BRI3: variants seen among roughly 807,000 people sequenced by gnomAD.
BRI3 encodes brain protein I3, also known as membrane protein BRI3.
A neutral mutation model predicts 12.8 loss-of-function variants in BRI3; 6 were observed. That is an observed-to-expected ratio of 0.47 (90% CI 0.26 to 0.93). The LOEUF is 0.93. BRI3 is among the 40% of genes least tolerant of loss of function. The pLI, the probability that BRI3 is intolerant of heterozygous loss-of-function variation, is 0.15. For synonymous variants in BRI3, 91 were observed against 76.1 expected, an observed-to-expected ratio of 1.20 and a Z score of -1.02; for missense variants, 134 against 171.1, an observed-to-expected ratio of 0.78 and a Z score of 1.21.
chr7:98,308,084 G>A (rs1390247482), exon 2 of BRI3: 9 of 706,710 alleles, frequency 1.3e-5, no homozygotes, highest in Non-Finnish European at 2.3e-5. Flanking sequence ...TTGAGAAACA[G>A]AGGCAGCGTG....
rs1383009000 is a variant in BRI3, at chr7:98,281,925, T to C, written c.130T>C (p.Tyr44His). Residue 44 changes from tyrosine to histidine, a missense_variant, in exon 1 of 3, where the codon TAC becomes CAC. Transcript: ENST00000297290. Reference sequence around the variant, plus strand: ...CGCGCCCCCGCCGCCGCCCTACCCCTACCTCGTCACAGGTGGGCCCGTAAC... The same window carrying C: ...CGCGCCCCCGCCGCCGCCCTACCCCCACCTCGTCACAGGTGGGCCCGTAAC... ...PAAPPPPPYPYLVTGIPTHHP... is the reference protein window; with the variant it reads ...PAAPPPPPYPHLVTGIPTHHP... 6.9e-6 allele frequency: 9 copies of C among 1,302,258 alleles called. No homozygotes were observed. Among genetic ancestry groups the C allele is most frequent in the African/African-American group, 3.1e-5 (2 of 64,186 alleles). The allele number at this position is 1,302,258 out of a possible 1,614,324, so 80.7% of individuals were successfully genotyped here.
At chr7:98,319,739 T>C in the BRI3 span, among the ~76,000 whole-genome samples, 5 of 151,952 alleles carry the variant, frequency 3.3e-5, no homozygotes, top group African/African-American at 1.2e-4. Context: ...TGAGTAGAGA[T>C]GGGGTTTCAC....
chr7:98,323,344 G>A, the BRI3 span: 2 of 152,118 alleles, frequency 1.3e-5, no homozygotes, highest in East Asian at 1.9e-4. Flanking sequence ...AACAAAACCC[G>A]CTCCAGTTAT....
At chr7:98,321,758 G>A in the BRI3 span, among the ~76,000 whole-genome samples, 1 of 152,150 alleles carries the variant, frequency 6.6e-6, no homozygotes, top group Non-Finnish European at 1.5e-5. Context: ...CCGACCAACA[G>A]CAAGATGTGC....
At chr7:98,296,258 A>G (rs928426013), downstream of BRI3, among the ~76,000 whole-genome samples, 4 of 152,244 alleles carry the variant, frequency 2.6e-5, no homozygotes, top group African/African-American at 9.6e-5. Context: ...CCTGCTGGGT[A>G]TACGGAGTCA....
chr7:98,286,653 CAGCTTGGGG>C (rs1299549700), intron 2 of BRI3, among the ~76,000 whole-genome samples: 1 of 152,168 alleles, frequency 6.6e-6, no homozygotes, highest in Non-Finnish European at 1.5e-5. Context: ...GACTGCCCTG[CAGCTTGGGG>C]AGTCTTGACC....
chr7:98,290,789 A>G (rs1799908603), intron 2 of BRI3, among the ~76,000 whole-genome samples: 1 of 152,200 alleles, frequency 6.6e-6, no homozygotes. Context: ...GTGAGCCACC[A>G]CACACCCTGC....
downstream of BRI3, among the ~76,000 whole-genome samples, chr7:98,310,874 T>A (rs1985594): frequency 2.6e-5 from 4 of 151,760 alleles, no homozygotes; most frequent in African/African-American, 9.7e-5. Context: ...TTAGTAGAGA[T>A]GAGGTTTCAC....
chr7:98,320,454 G>A, the BRI3 span, among the ~76,000 whole-genome samples: 1 of 152,172 alleles, frequency 6.6e-6, no homozygotes, highest in Non-Finnish European at 1.5e-5. Context: ...TCCTGCCTCA[G>A]CCTCCCAAAT....
At chr7:98,298,727 T>C (rs1354085919) in intron 1 of BRI3, among the ~76,000 whole-genome samples, 3 of 152,188 alleles carry the variant, frequency 2.0e-5, no homozygotes, top group Non-Finnish European at 2.9e-5. Flanking sequence ...GGCATTTTGG[T>C]TAGGGAAAGC....
In BRI3 at chr7:98,291,289, A is replaced by G. The variant is rs9327; in HGVS notation, c.*46A>G. ...TTCCTACACCCAGCTCTCTTTTTCT[A>G]ATGTAAATGTTGTGTACAATAATTT... is the stretch of plus-strand genomic sequence containing the variant. On this transcript the variant is annotated 3_prime_UTR_variant, in exon 3 of 3. Transcript: ENST00000297290. The G allele has an allele frequency of 6.0e-5, 96 of 1,609,952 alleles. No individual in the cohort carries two copies. The highest frequency in any genetic ancestry group is 8.0e-5 in the Non-Finnish European group (94 of 1,178,848).
the BRI3 span, among the ~76,000 whole-genome samples, chr7:98,322,688 CGT>C: frequency 6.6e-6 from 1 of 152,184 alleles, no homozygotes; most frequent in African/African-American, 2.4e-5. Flanking sequence ...CGTCCCACCA[CGT>C]GGGCTTTCGA....
downstream of BRI3, chr7:98,294,204 G>T: frequency 7.2e-7 from 1 of 1,396,368 alleles, no homozygotes; most frequent in Non-Finnish European, 1.0e-6. Context: ...TGTTGCCCAG[G>T]CTGGTTTCGA....
intron 1 of BRI3, chr7:98,307,433 G>C: frequency 7.5e-7 from 1 of 1,336,340 alleles, no homozygotes; most frequent in East Asian, 3.2e-5. Flanking sequence ...AAAAACAAAA[G>C]AATGTTTAAA....
chr7:98,286,285 G>A (rs1199489455), intron 2 of BRI3, among the ~76,000 whole-genome samples: 1 of 152,204 alleles, frequency 6.6e-6, no homozygotes, highest in Non-Finnish European at 1.5e-5. Flanking sequence ...TTGGTGAGGC[G>A]GGAGCCCCGC....
chr7:98,304,065 T>A (rs763937442), upstream of BRI3: 221 of 961,678 alleles, frequency 2.3e-4, 1 homozygote, highest in Admixed American at 4.2e-4. Flanking sequence ...AGTCCCCTCC[T>A]CCCTCCTCCC....
intron 2 of BRI3, among the ~76,000 whole-genome samples, chr7:98,288,566 C>T (rs1799789912): frequency 6.6e-6 from 1 of 150,502 alleles, no homozygotes; most frequent in Non-Finnish European, 1.5e-5. Context: ...CTTGGAGCTT[C>T]ATGGTGTGCC....
upstream of BRI3, chr7:98,304,141 C>T (rs1034652735): frequency 2.7e-6 from 4 of 1,485,542 alleles, no homozygotes; most frequent in Admixed American, 2.5e-5. Context: ...CCTGCGCCTC[C>T]CAGTCGGGGA....
At chr7:98,282,212 C>A (rs1272009145) in intron 1 of BRI3, 139 bp from the exon 2 acceptor site, 2 of 857,818 alleles carry the variant, frequency 2.3e-6, no homozygotes, top group Non-Finnish European at 3.6e-6. Context: ...CCGAATCAGG[C>A]CCGCGGTGGC....
Sources: gnomAD v4.1 joint callset for allele counts (sites outside exome capture counted in the v4.1 genomes callset) on GRCh38, gnomAD v4.1.1 for gene constraint, MANE v1.5 for transcripts, NCBI Gene and HGNC (gene_info 2026-07-23, HGNC 2026-07-21) for gene names.